The following ARID1A variants were observed in gnomAD, a reference collection of about 807,000 sequenced individuals.
ARID1A encodes AT-rich interaction domain 1A, also known as AT-rich interactive domain-containing protein 1A.
In ARID1A, 20 loss-of-function variants were observed where a neutral mutation model predicts 212.6. The ratio of observed to expected loss-of-function variants is 0.09; its 90% CI spans 0.07 to 0.14. The LOEUF (loss-of-function observed/expected upper bound fraction) is 0.14. ARID1A is among the 10% of genes least tolerant of loss of function. ARID1A has a pLI of 1.00. For synonymous variants in ARID1A, 1,376 were observed against 1,222.1 expected (o/e 1.13, Z -2.63); for missense variants, 2,587 against 3,059.0 (o/e 0.85, Z 3.64).
At position 26,756,564 on chromosome 1, in the gene ARID1A, T is replaced by TAA. The variant is rs59135556; in HGVS notation, c.1921-4279_1921-4278dup. Among the ~76,000 whole-genome samples, 322 of 129,836 alleles carry TAA rather than the reference T, an allele frequency of 2.5e-3. 1 individual carries two copies. Among genetic ancestry groups the TAA allele is most frequent in the South Asian group, 0.022 (96 of 4,276 alleles). The allele number at this position is 129,836 out of a possible 152,430, so 85.2% of individuals were successfully genotyped here. A position where few individuals can be genotyped will look rare whatever the true frequency, so the allele number is the denominator to read the frequency against. ...GACCCAGACCGAGACCCTGTCTCTT[T>TAA]AAAAAAAAAAAAAACAAAAAAACAC... On this transcript the variant is annotated intron_variant, in intron 4 of 19. Transcript: ENST00000324856.
intron 1 of ARID1A, among the ~76,000 whole-genome samples, chr1:26,713,937 A>G (rs2080477487): frequency 6.6e-6 from 1 of 152,246 alleles, no homozygotes; most frequent in South Asian, 2.1e-4. Context: ...TAAAACCTCA[A>G]GTGACCAATA....
intron 4 of ARID1A, among the ~76,000 whole-genome samples, chr1:26,741,906 A>G (rs768802920): frequency 6.6e-6 from 1 of 152,246 alleles, no homozygotes; most frequent in Non-Finnish European, 1.5e-5. Flanking sequence ...CGAGGGAGCT[A>G]TGCTGTCCCT....
chr1:26,715,089 T>A (rs941042553), intron 1 of ARID1A, among the ~76,000 whole-genome samples: 10 of 152,222 alleles, frequency 6.6e-5, no homozygotes, highest in African/African-American at 2.2e-4. Context: ...AAGTTTGCAG[T>A]TGTAGATAAA....
intron 4 of ARID1A, among the ~76,000 whole-genome samples, chr1:26,748,975 T>C (rs1433602862): frequency 1.3e-5 from 2 of 152,082 alleles, no homozygotes; most frequent in African/African-American, 4.8e-5. Context: ...CCATCCTGGC[T>C]AACACGGTGA....
In ARID1A at chr1:26,697,441, G is replaced by C; in HGVS notation, c.1038G>C (p.Ala346=). Residue 346 remains alanine, a synonymous_variant, in exon 1 of 20, where the codon GCG becomes GCC. Transcript: ENST00000324856. ...CWGAAAAAAA[A]AAASGGAQQR... ...GGGCTGCGGCGGCGGCAGCTGCGGC[G>C]GCGGCCGCCTCGGGAGGGGCCCAAC... The C allele has an allele frequency of 7.4e-7, 1 of 1,355,802 alleles. No individual in the cohort carries two copies. Among genetic ancestry groups the C allele is most frequent in the African/African-American group, 1.5e-5 (1 of 65,152 alleles). 84.0% of individuals were successfully genotyped at this position (1,355,802 alleles called of 1,614,324 possible).
intron 1 of ARID1A, among the ~76,000 whole-genome samples, chr1:26,705,371 C>T (rs920345745): frequency 5.9e-5 from 9 of 151,508 alleles, no homozygotes; most frequent in Non-Finnish European, 1.0e-4. Flanking sequence ...CTCCCAACCT[C>T]GGGTGTGATC....
chr1:26,717,832 T>G (rs1186912449), intron 1 of ARID1A, among the ~76,000 whole-genome samples: 1 of 152,128 alleles, frequency 6.6e-6, no homozygotes, highest in Non-Finnish European at 1.5e-5. Flanking sequence ...GAAGTGATAT[T>G]TGACATGAAA....
rs1459579384 is a variant in ARID1A, at chr1:26,763,238, A to G, written c.2685A>G (p.Gln895=). The change falls in exon 8 of 20, where the codon CAA becomes CAG. Residue 895 remains glutamine, a synonymous_variant. Transcript: ENST00000324856. ...PPPGGMNRKT[Q]ETAVAMHVAA... is the part of the protein sequence containing the mutation. ...CAGGGGGCATGAACCGGAAAACCCAAGAAACTGCTGTCGCCATGCATGTTG... is the reference window on the plus strand; with the variant it reads ...CAGGGGGCATGAACCGGAAAACCCAGGAAACTGCTGTCGCCATGCATGTTG... The G allele has an allele frequency of 1.9e-6, 3 of 1,613,240 alleles. No homozygotes were observed. The highest frequency in any genetic ancestry group is 2.5e-6 in the Non-Finnish European group (3 of 1,179,402).
chr1:26,700,635 C>G (rs1181516795), intron 1 of ARID1A, among the ~76,000 whole-genome samples: 1 of 152,048 alleles, frequency 6.6e-6, no homozygotes, highest in Non-Finnish European at 1.5e-5. Flanking sequence ...ATAAATAGTC[C>G]AGGAACAAGT....
chr1:26,734,041 T>G (rs1007634750), intron 4 of ARID1A, among the ~76,000 whole-genome samples: 1 of 152,228 alleles, frequency 6.6e-6, no homozygotes, highest in African/African-American at 2.4e-5. Flanking sequence ...GTTGACTTTC[T>G]CAACTGAGGA....
chr1:26,774,019 A>C lies in ARID1A; in HGVS notation c.4101+121A>C, dbSNP rs1570615502. ...TTAGATATTTTGGCATTCTTCTCTC[A>C]CCTGACTGGCCAGTCCTGCCTGAAG... is the stretch of plus-strand genomic sequence containing the variant. On this transcript the variant is annotated intron_variant, in intron 17 of 19. Transcript: ENST00000324856. This position sits in a 1 kb window ranked among gnomAD's most constrained non-coding sequence, Gnocchi z 5.6. 8.3e-6 allele frequency: 11 copies of C among 1,320,732 alleles called. No individual in the cohort carries two copies. The highest frequency in any genetic ancestry group is 1.4e-5 in the South Asian group (1 of 73,630). The allele number at this position is 1,320,732 out of a possible 1,614,324, so 81.8% of individuals were successfully genotyped here.
In ARID1A at chr1:26,696,441, TG is replaced by T; in HGVS notation, c.41del (p.Gly14AlafsTer11). 3 of 1,287,336 alleles carry T rather than the reference TG, an allele frequency of 2.3e-6. No individual in the cohort carries two copies. The highest frequency in any genetic ancestry group is 9.8e-7 in the Non-Finnish European group (1 of 1,019,026). 79.7% of individuals were successfully genotyped at this position (1,287,336 alleles called of 1,614,324 possible). ...AQVAPAAASS[L>X]GNPPPPPPSE... ...GTCGCCCCCGCCGCCGCCAGCAGCC[TG>T]GGCAACCCGCCGCCGCCGCCGCCCT... On this transcript the variant is annotated frameshift_variant, in exon 1 of 20. Transcript: ENST00000324856. LOFTEE classifies it high-confidence loss of function.
At chr1:26,777,810 G>A (rs1488391395) in intron 19 of ARID1A, among the ~76,000 whole-genome samples, 1 of 152,162 alleles carries the variant, frequency 6.6e-6, no homozygotes, top group East Asian at 1.9e-4. Context: ...GCTCACGCCA[G>A]TAATCCTAGC....
intron 19 of ARID1A, chr1:26,778,180 C>T (rs2081154880): frequency 6.6e-6 from 1 of 151,576 alleles, no homozygotes; most frequent in South Asian, 2.1e-4. Context: ...AGAAAAATCG[C>T]TTGAACCCAG....
At chr1:26,750,281 A>G (rs989757084) in intron 4 of ARID1A, among the ~76,000 whole-genome samples, 2 of 152,202 alleles carry the variant, frequency 1.3e-5, no homozygotes, top group African/African-American at 4.8e-5. Flanking sequence ...CTGCCTCCAC[A>G]AAACTGTTTT....
In ARID1A at chr1:26,775,702, A is replaced by G. The variant is rs11550593; in HGVS notation, c.5119A>G (p.Ser1707Gly). The G allele has an allele frequency of 6.2e-7, 1 of 1,614,232 alleles. No individual in the cohort carries two copies. The highest frequency in any genetic ancestry group is 8.5e-7 in the Non-Finnish European group (1 of 1,180,032). Residue 1707 changes from serine (S) to glycine (G), a missense_variant, in exon 19 of 20, where the codon AGT becomes GGT. This residue lies in a region of ARID1A where 890 missense variants were observed against 1,098.2 expected (regional missense o/e 0.81). Transcript: ENST00000324856. ...CAACAGCATCATGACCTTCAACCTC[A>G]GTCAGGTGAGTATCAGTGCCTGGGG... The part of the protein sequence containing the change: ...DDNSIMTFNL[S>G]QLPGLLELLV...
In ARID1A at chr1:26,780,733, C is replaced by T. The variant is rs2124153545; in HGVS notation, c.6835C>T (p.Leu2279=). The change falls in exon 20 of 20, where the codon CTG becomes TTG. Residue 2279 remains leucine (L), a synonymous_variant. Coordinates refer to ENST00000324856, the MANE Select transcript of ARID1A (RefSeq NM_006015.6). The surrounding 1 kb of genome is among the most constrained non-coding windows in gnomAD (Gnocchi z 7.2). ...SLVSQVICDV[L]FLIGQS is the part of the protein sequence containing the mutation. ...GGTTTCACAAGTCATTTGTGATGTA[C>T]TGTTTTTGATTGGCCAGTCATGACA... 1 of 1,577,418 alleles carries T rather than the reference C, an allele frequency of 6.3e-7. No homozygotes were observed. The highest frequency in any genetic ancestry group is 8.6e-7 in the Non-Finnish European group (1 of 1,163,106).
At chr1:26,708,359 A>G (rs1475777982) in intron 1 of ARID1A, among the ~76,000 whole-genome samples, 1 of 126,696 alleles carries the variant, frequency 7.9e-6, no homozygotes, top group East Asian at 2.5e-4. Context: ...ATCTCGGCTC[A>G]CTGTAACCTC....
intron 19 of ARID1A, chr1:26,778,260 T>C (rs1164693343): frequency 6.8e-6 from 1 of 147,588 alleles, no homozygotes; most frequent in Non-Finnish European, 1.5e-5. Flanking sequence ...TGAGACTTCA[T>C]CTCAAAAAAA....
Sources: allele counts gnomAD v4.1 joint callset (sites outside exome capture counted in the v4.1 genomes callset), GRCh38; gene constraint gnomAD v4.1.1; regional missense constraint gnomAD v4.1.1; non-coding constraint Gnocchi (gnomAD v3.1); transcripts MANE v1.5; gene names NCBI Gene and HGNC (gene_info 2026-07-23, HGNC 2026-07-21).